MARK1: variants seen among roughly 807,000 people sequenced by gnomAD.
The protein encoded by MARK1 is microtubule affinity regulating kinase 1, also known as serine/threonine-protein kinase MARK1.
In MARK1, 40 loss-of-function variants were observed where a neutral mutation model predicts 96.3. The ratio of observed to expected loss-of-function variants is 0.42; its 90% confidence interval spans 0.32 to 0.54. MARK1 has a LOEUF of 0.54. Among genes scored for constraint, MARK1 ranks in the 20% least tolerant of loss-of-function variants. The pLI, the probability that MARK1 is intolerant of heterozygous loss-of-function variation, is 0.16. For synonymous variants in MARK1, 317 were observed against 341.2 expected, an observed-to-expected ratio of 0.93 and a Z score of 0.78; for missense variants, 719 against 984.6, an observed-to-expected ratio of 0.73 and a Z score of 3.61.
intron 6 of MARK1, among the ~76,000 whole-genome samples, chr1:220,610,687 T>C (rs1447106177): frequency 6.6e-6 from 1 of 152,144 alleles, no homozygotes; most frequent in East Asian, 1.9e-4. Flanking sequence ...ATCTTTGTGG[T>C]TTTATCTACC....
At chr1:220,607,641 T>TG (rs1395346799) in intron 6 of MARK1, among the ~76,000 whole-genome samples, 2 of 152,000 alleles carry the variant, frequency 1.3e-5, no homozygotes, top group African/African-American at 4.8e-5. Flanking sequence ...CCATTGAGTA[T>TG]GGGGAATGCT....
chr1:220,621,932 G>A (rs1667073006), intron 9 of MARK1, among the ~76,000 whole-genome samples: 2 of 152,126 alleles, frequency 1.3e-5, no homozygotes, highest in Admixed American at 6.5e-5. Flanking sequence ...TTTATCATCT[G>A]TGAAAATAAA....
At chr1:220,631,293 T>C (rs1362518943) in intron 10 of MARK1, among the ~76,000 whole-genome samples, 159 bp downstream of exon 10, 3 of 152,172 alleles carry the variant, frequency 2.0e-5, no homozygotes. Context: ...AATTATACAT[T>C]TCAAGTTCCC....
At chr1:220,597,969 T>C (rs1665488695) in intron 3 of MARK1, among the ~76,000 whole-genome samples, 1 of 152,194 alleles carries the variant, frequency 6.6e-6, no homozygotes, top group South Asian at 2.1e-4. Flanking sequence ...AAAAATCATA[T>C]GAAGGAGCAT....
chr1:220,553,873 C>T (rs1313389184), intron 1 of MARK1, among the ~76,000 whole-genome samples: 2 of 152,208 alleles, frequency 1.3e-5, no homozygotes, highest in Admixed American at 6.5e-5. Context: ...ACTTCAAGCA[C>T]CAGTGAGTCT....
intron 3 of MARK1, among the ~76,000 whole-genome samples, chr1:220,585,031 GA>G (rs1410912767): frequency 4.6e-5 from 7 of 152,146 alleles, no homozygotes; most frequent in Non-Finnish European, 1.0e-4. Context: ...AGTGATAAGA[GA>G]ATTATTATTT....
At chr1:220,537,208 A>G (rs1307356132) in intron 1 of MARK1, among the ~76,000 whole-genome samples, 1 of 147,150 alleles carries the variant, frequency 6.8e-6, no homozygotes, top group Non-Finnish European at 1.5e-5. Context: ...ATTTAGCATT[A>G]GGTATATCTC....
At chr1:220,571,463 A>G (rs1201704043) in intron 1 of MARK1, among the ~76,000 whole-genome samples, 1 of 152,200 alleles carries the variant, frequency 6.6e-6, no homozygotes, top group Non-Finnish European at 1.5e-5. Flanking sequence ...TGTCACTCAT[A>G]AAAGTACTGT....
chr1:220,662,384 G>T lies in MARK1; in HGVS notation c.*218G>T, dbSNP rs890020002. ...TTAAAAAGTAGGTTCACATGTACAGGTAAGTATATTGTGTATTTCTGTTCA... is the reference window on the plus strand; with the variant it reads ...TTAAAAAGTAGGTTCACATGTACAGTTAAGTATATTGTGTATTTCTGTTCA... On this transcript the variant is annotated 3_prime_UTR_variant, in exon 18 of 18. Coordinates refer to ENST00000366917, the MANE Select transcript of MARK1 (RefSeq NM_018650.5). 3.1e-5 allele frequency: 16 copies of T among 516,532 alleles called. No homozygotes were observed. The highest frequency in any genetic ancestry group is 5.5e-5 in the Non-Finnish European group (16 of 290,558). 32.0% of individuals were successfully genotyped at this position (516,532 alleles called of 1,614,324 possible). A position where few individuals can be genotyped will look rare whatever the true frequency, so the allele number is the denominator to read the frequency against.
intron 13 of MARK1, among the ~76,000 whole-genome samples, chr1:220,648,861 T>G (rs1030453264): frequency 1.3e-5 from 2 of 152,220 alleles, no homozygotes; most frequent in African/African-American, 2.4e-5. Context: ...TCCTATTACG[T>G]ATTTCTAAGA....
intron 5 of MARK1, among the ~76,000 whole-genome samples, chr1:220,602,688 C>G (rs1665825985): frequency 6.6e-6 from 1 of 152,084 alleles, no homozygotes; most frequent in Non-Finnish European, 1.5e-5. Flanking sequence ...AGCATCCATT[C>G]ATTTCTCTGT....
intron 3 of MARK1, among the ~76,000 whole-genome samples, chr1:220,596,121 C>A (rs928187701): frequency 5.9e-5 from 9 of 152,056 alleles, no homozygotes; most frequent in African/African-American, 1.7e-4. Flanking sequence ...TAGTCAGCAA[C>A]AAATCGATGA....
At chr1:220,615,345 G>A (rs1330428974) in intron 6 of MARK1, among the ~76,000 whole-genome samples, 1 of 152,078 alleles carries the variant, frequency 6.6e-6, no homozygotes, top group East Asian at 1.9e-4. Context: ...GTTTAAGATT[G>A]AATTTCATTT....
chr1:220,650,868 C>G (rs996259975), intron 14 of MARK1, 148 bp downstream of exon 14: 5 of 552,466 alleles, frequency 9.1e-6, no homozygotes, highest in Non-Finnish European at 1.6e-5. Flanking sequence ...AGTAAGACAT[C>G]TTTCCTGTAC....
chr1:220,664,167 A>AT lies in MARK1; in HGVS notation c.*2008dup, dbSNP rs1272306929. The AT allele has an allele frequency of 6.6e-6, 1 of 152,238 alleles. No homozygotes were observed. The highest frequency in any genetic ancestry group is 2.1e-4 in the South Asian group (1 of 4,830). 9.4% of individuals were successfully genotyped at this position (152,238 alleles called of 1,614,324 possible). On this transcript the variant is annotated 3_prime_UTR_variant, in exon 18 of 18. Transcript: ENST00000366917. Reference sequence around the variant, plus strand: ...TGTGTTTTCCACGGTAGAAACTGATATTTTTTTACATTTTCTCACTGTGGC... The same window carrying AT: ...TGTGTTTTCCACGGTAGAAACTGATATTTTTTTTACATTTTCTCACTGTGGC...
At chr1:220,548,989 G>A (rs1192873015) in intron 1 of MARK1, among the ~76,000 whole-genome samples, 1 of 152,120 alleles carries the variant, frequency 6.6e-6, no homozygotes, top group Non-Finnish European at 1.5e-5. Context: ...AGCTTCTTGG[G>A]GTGTAGGGGA....
chr1:220,610,406 A>G (rs1306669306), intron 6 of MARK1, among the ~76,000 whole-genome samples: 1 of 152,168 alleles, frequency 6.6e-6, no homozygotes, highest in Non-Finnish European at 1.5e-5. Flanking sequence ...CCATCAGGTC[A>G]TTTAAGGTCT....
chr1:220,592,907 G>A (rs1191011848), intron 3 of MARK1, among the ~76,000 whole-genome samples: 1 of 152,184 alleles, frequency 6.6e-6, no homozygotes, highest in Non-Finnish European at 1.5e-5. Flanking sequence ...CTGATATACT[G>A]AAATGCTGAG....
chr1:220,538,630 G>T (rs1014104292), intron 1 of MARK1, among the ~76,000 whole-genome samples: 1 of 150,978 alleles, frequency 6.6e-6, no homozygotes, highest in African/African-American at 2.4e-5. Context: ...AGCTTGATGG[G>T]GATGGCATTG....
Sources: gnomAD v4.1 joint callset for allele counts (sites outside exome capture counted in the v4.1 genomes callset) on GRCh38, gnomAD v4.1.1 for gene constraint, MANE v1.5 for transcripts, NCBI Gene and HGNC (gene_info 2026-07-23, HGNC 2026-07-21) for gene names.